The following MARK4 variants were observed in gnomAD, a reference collection of about 807,000 sequenced individuals.
MARK4 encodes the protein MAP/microtubule affinity-regulating kinase 4.
MARK4 carries 19 observed loss-of-function variants against 81.5 expected under a neutral mutation model. The ratio of observed to expected loss-of-function variants is 0.23; its 90% confidence interval spans 0.16 to 0.34. The LOEUF is 0.34. Ranked by LOEUF, MARK4 falls within the 10% of genes least tolerant of loss-of-function variation. The pLI is 1.00. For missense variants in MARK4, 772 were observed against 1,058.8 expected (o/e 0.73, Z 3.76); for synonymous variants, 436 against 439.0 (o/e 0.99, Z 0.08).
intron 1 of MARK4, among the ~76,000 whole-genome samples, chr19:45,254,059 T>C (rs1457902090): frequency 6.6e-6 from 1 of 152,120 alleles, no homozygotes; most frequent in Non-Finnish European, 1.5e-5. Flanking sequence ...GCCTCTGGAA[T>C]GGGAGGTTGC....
At position 45,274,593 on chromosome 19, in the gene MARK4, T is replaced by G. The variant is rs570674151; in HGVS notation, c.786+2885T>G. On this transcript the variant is annotated intron_variant, in intron 8 of 16. Coordinates refer to ENST00000262891, the MANE Select transcript of MARK4 (RefSeq NM_001199867.2). ...TTGTAGTGAGCCGAGATCACACCAC[T>G]GCACTCCAGCCTGGATGACAGAGCA... 1.5e-4 allele frequency among the ~76,000 whole-genome samples: 23 copies of G among 152,194 alleles called. No individual in the cohort carries two copies. In the South Asian group the frequency reaches 3.5e-3, roughly 23 times the overall value.
At chr19:45,265,655 T>TGAA (rs1438361270) in intron 6 of MARK4, among the ~76,000 whole-genome samples, 32 of 145,912 alleles carry the variant, frequency 2.2e-4, no homozygotes, top group African/African-American at 8.3e-4. Flanking sequence ...GATGCAGGTA[T>TGAA]GAAGGTGCCC....
intron 13 of MARK4, among the ~76,000 whole-genome samples, chr19:45,291,925 A>C (rs1385336443): frequency 6.6e-6 from 1 of 152,206 alleles, no homozygotes. Context: ...CCTTCATCTC[A>C]TAGCCTTGCC....
intron 12 of MARK4, among the ~76,000 whole-genome samples, chr19:45,285,426 G>C (rs1034990554): frequency 2.0e-5 from 3 of 152,130 alleles, no homozygotes; most frequent in Non-Finnish European, 2.9e-5. Flanking sequence ...GCTGCTGAAA[G>C]CCTGCGCTCT....
intron 16 of MARK4, among the ~76,000 whole-genome samples, chr19:45,300,472 C>T (rs1970954812): frequency 6.6e-6 from 1 of 151,576 alleles, no homozygotes; most frequent in Non-Finnish European, 1.5e-5. Flanking sequence ...AGCTCAGGGC[C>T]AGCAGGAGGC....
intron 14 of MARK4, among the ~76,000 whole-genome samples, chr19:45,295,632 A>G (rs778907781): frequency 6.6e-6 from 1 of 152,182 alleles, no homozygotes; most frequent in Non-Finnish European, 1.5e-5. Context: ...AAAATTAGCC[A>G]GGAACGATGT....
At chr19:45,257,531 G>T (rs1314765984) in intron 1 of MARK4, among the ~76,000 whole-genome samples, 1 of 148,760 alleles carries the variant, frequency 6.7e-6, no homozygotes, top group African/African-American at 2.5e-5. Flanking sequence ...TTACAGGTGC[G>T]CGTCACCATG....
intron 2 of MARK4, among the ~76,000 whole-genome samples, chr19:45,261,873 C>T (rs540044721): frequency 4.0e-5 from 6 of 151,648 alleles, no homozygotes; most frequent in Non-Finnish European, 7.4e-5. Flanking sequence ...GTGGAGGTCG[C>T]GGTGAGCCAA....
intron 15 of MARK4, 61 bp from the exon 16 acceptor site, chr19:45,299,750 G>A (rs73570398): frequency 0.091 from 134,023 of 1,480,238 alleles, 6,851 homozygotes; most frequent in African/African-American, 0.17. Flanking sequence ...GAGGCAGTGG[G>A]TTGCGGGAGG....
At chr19:45,300,389 C>G (rs1438512736) in intron 16 of MARK4, among the ~76,000 whole-genome samples, 1 of 137,790 alleles carries the variant, frequency 7.3e-6, no homozygotes, top group Non-Finnish European at 1.6e-5. Flanking sequence ...CCATCCACAA[C>G]TCAACTCCTC....
chr19:45,280,827 A>T, intron 12 of MARK4, 93 bp downstream of exon 12: 1 of 1,532,402 alleles, frequency 6.5e-7, no homozygotes, highest in Non-Finnish European at 8.9e-7. Flanking sequence ...CAAGCAACAG[A>T]AACCCACTGG....
rs192443318 is a variant in MARK4, at chr19:45,270,761, G to A, written c.550-711G>A. On this transcript the variant is annotated intron_variant, in intron 7 of 16. Transcript: ENST00000262891. The stretch of plus-strand genomic sequence containing the variant: ...ACTACTGGCGCACACCACCATGCCC[G>A]GCTAATTTTTATCTTTATGTTTTTT... Among the ~76,000 whole-genome samples, 189 of 151,724 alleles carry A rather than the reference G, an allele frequency of 1.2e-3. 2 individuals carry two copies. The highest frequency in any genetic ancestry group is 4.1e-3 in the East Asian group (21 of 5,160).
chr19:45,302,310 C>G lies in MARK4; in HGVS notation c.1923-64C>G. 6.2e-7 allele frequency: 1 copy of G among 1,609,710 alleles called. No individual in the cohort carries two copies. The highest frequency in any genetic ancestry group is 1.1e-5 in the South Asian group (1 of 90,466). On this transcript the variant is annotated intron_variant, in intron 16 of 16. Coordinates refer to ENST00000262891, the MANE Select transcript of MARK4 (RefSeq NM_001199867.2). This position sits in a 1 kb window ranked among gnomAD's most constrained non-coding sequence, Gnocchi z 4.9. Reference sequence around the variant, plus strand: ...TGTCCCGAATTGGGAAGAGTTGTCCCTTCAGCCCTCCACCACATTCCTCTT... The same window carrying G: ...TGTCCCGAATTGGGAAGAGTTGTCCGTTCAGCCCTCCACCACATTCCTCTT...
chr19:45,268,312 C>T (rs1486339958), intron 7 of MARK4, among the ~76,000 whole-genome samples: 2 of 151,658 alleles, frequency 1.3e-5, no homozygotes, highest in Admixed American at 1.3e-4. Context: ...CTTGGCTGGA[C>T]GCGGTGGCTC....
intron 13 of MARK4, among the ~76,000 whole-genome samples, chr19:45,291,482 C>CA (rs1315364321): frequency 6.6e-6 from 1 of 152,154 alleles, no homozygotes; most frequent in African/African-American, 2.4e-5. Context: ...CCCATCTGTA[C>CA]AAAAAATACA....
chr19:45,287,764 C>G, intron 13 of MARK4, 100 bp downstream of exon 13: 1 of 1,311,678 alleles, frequency 7.6e-7, no homozygotes, highest in Middle Eastern at 1.8e-4. Context: ...CTCCTTCTTA[C>G]CAACTCCTTC....
intron 8 of MARK4, among the ~76,000 whole-genome samples, chr19:45,276,704 C>T (rs1970602538): frequency 6.7e-6 from 1 of 150,326 alleles, no homozygotes; most frequent in Non-Finnish European, 1.5e-5. Flanking sequence ...CGGCTCACTG[C>T]AACCTCCGCC....
intron 10 of MARK4, 36 bp downstream of exon 10, chr19:45,278,651 TG>T: frequency 6.7e-7 from 1 of 1,490,586 alleles, no homozygotes; most frequent in Non-Finnish European, 9.3e-7. Context: ...TCACCCAGGA[TG>T]GAGTGCAGTG....
At chr19:45,288,071 C>A (rs896260124) in intron 13 of MARK4, 3 of 224,306 alleles carry the variant, frequency 1.3e-5, no homozygotes, top group African/African-American at 4.7e-5. Flanking sequence ...AACTAAAAAT[C>A]AAAAAAATTA....
Sources: gnomAD v4.1 joint callset for allele counts (sites outside exome capture counted in the v4.1 genomes callset) on GRCh38, gnomAD v4.1.1 for gene constraint, Gnocchi (gnomAD v3.1) non-coding constraint, MANE v1.5 for transcripts, NCBI Gene and HGNC (gene_info 2026-07-23, HGNC 2026-07-21) for gene names.